Variants in SLIT2 observed in about 807,000 individuals in gnomAD.
SLIT2 encodes slit guidance ligand 2, also known as slit homolog 2 protein.
A neutral mutation model predicts 185.7 loss-of-function variants in SLIT2; 41 were observed. The observed-to-expected ratio is 0.22, with a 90% CI of 0.17 to 0.29. SLIT2 has a LOEUF of 0.29. Ranked by LOEUF, SLIT2 falls within the 10% of genes least tolerant of loss-of-function variation. The pLI is 1.00. For missense variants in SLIT2, 1,571 were observed against 1,909.0 expected (o/e 0.82, Z 3.30); for synonymous variants, 693 against 680.2 (o/e 1.02, Z -0.29).
chr4:20,539,769 A>C (rs1424163413), intron 19 of SLIT2, among the ~76,000 whole-genome samples, 185 bp downstream of exon 19: 1 of 152,190 alleles, frequency 6.6e-6, no homozygotes, highest in East Asian at 1.9e-4. Flanking sequence ...ATCTTAGATT[A>C]AATTTTAACA....
At chr4:20,368,143 T>G (rs923472186) in intron 4 of SLIT2, among the ~76,000 whole-genome samples, 2 of 150,596 alleles carry the variant, frequency 1.3e-5, no homozygotes, top group Non-Finnish European at 2.9e-5. Context: ...TGGAACCCTT[T>G]AGCTAAGCTG....
intron 4 of SLIT2, among the ~76,000 whole-genome samples, chr4:20,309,610 G>A (rs2109129901): frequency 6.6e-6 from 1 of 151,988 alleles, no homozygotes; most frequent in South Asian, 2.1e-4. Flanking sequence ...TCTCTAGCTA[G>A]ACATCTTGAT....
chr4:20,514,875 ACATT>A (rs973242904), intron 11 of SLIT2, among the ~76,000 whole-genome samples: 28 of 151,928 alleles, frequency 1.8e-4, no homozygotes, highest in African/African-American at 6.0e-4. Context: ...AAAACAAAAA[ACATT>A]CATGTCGTTT....
intron 4 of SLIT2, among the ~76,000 whole-genome samples, chr4:20,307,199 C>A (rs13147242): frequency 9.0e-6 from 1 of 110,636 alleles, no homozygotes; most frequent in Non-Finnish European, 1.9e-5. Flanking sequence ...TCCTTCTTTC[C>A]CTGACTCCCT....
chr4:20,385,409 GAGATT>G (rs1315434688), intron 4 of SLIT2, among the ~76,000 whole-genome samples: 1 of 152,126 alleles, frequency 6.6e-6, no homozygotes, highest in Non-Finnish European at 1.5e-5. Context: ...AATTCATTAG[GAGATT>G]AATGAATGGA....
At chr4:20,477,152 CCA>C (rs553053429) in intron 5 of SLIT2, among the ~76,000 whole-genome samples, 1,725 of 63,810 alleles carry the variant, frequency 0.027, 31 homozygotes, top group African/African-American at 0.11. Context: ...ATACCTCCTA[CCA>C]TAAAAAAAAA....
chr4:20,536,648 ATAAAT>A (rs1323772266), intron 18 of SLIT2, among the ~76,000 whole-genome samples: 3 of 151,462 alleles, frequency 2.0e-5, no homozygotes, highest in East Asian at 3.9e-4. Context: ...TTCTTCAGTA[ATAAAT>A]TAAGGTTAGC....
chr4:20,455,393 G>A lies in SLIT2; in HGVS notation c.396-12359G>A, dbSNP rs199954717. 2.5e-3 allele frequency among the ~76,000 whole-genome samples: 384 copies of A among 152,218 alleles called. 2 individuals carry two copies. Among genetic ancestry groups the A allele is most frequent in the African/African-American group, 8.9e-3 (369 of 41,542 alleles). On this transcript the variant is annotated intron_variant, in intron 4 of 36. Coordinates refer to ENST00000504154, the MANE Select transcript of SLIT2 (RefSeq NM_004787.4). ...CCAAAGTAGTAGGCATTCTTTGATA[G>A]CCATGCTCTAATAAATGGACTCTTA...
chr4:20,299,498 A>G (rs967121549), intron 4 of SLIT2, among the ~76,000 whole-genome samples: 3 of 152,182 alleles, frequency 2.0e-5, no homozygotes, highest in East Asian at 1.9e-4. Flanking sequence ...ATCTATTTCA[A>G]TAAATTGAAA....
Position 20,254,131 on chromosome 4 carries a change from G to A in SLIT2, c.179+137G>A. The A allele has an allele frequency of 1.1e-6, 1 of 882,708 alleles. No homozygotes were observed. 54.7% of individuals were successfully genotyped at this position (882,708 alleles called of 1,614,324 possible). On this transcript the variant is annotated intron_variant, in intron 1 of 36. Transcript: ENST00000504154. This position sits in a 1 kb window ranked among gnomAD's most constrained non-coding sequence, Gnocchi z 5.1. The stretch of plus-strand genomic sequence containing the variant: ...TCTCCCCCATGCACATCCTGGGGTT[G>A]AGCTCTCCGGGAGGGCACTGGCCAG...
chr4:20,468,707 A>C (rs548833017), intron 5 of SLIT2, among the ~76,000 whole-genome samples: 1 of 152,228 alleles, frequency 6.6e-6, no homozygotes, highest in African/African-American at 2.4e-5. Context: ...CTTTTACATT[A>C]GTTTGGAATG....
At chr4:20,495,065 C>T (rs996083806) in intron 9 of SLIT2, among the ~76,000 whole-genome samples, 2 of 152,056 alleles carry the variant, frequency 1.3e-5, no homozygotes, top group Non-Finnish European at 2.9e-5. Context: ...GAGAGAAGGT[C>T]TTGGAATTTG....
chr4:20,355,546 CTTAAGGAAAGCTTACATT>C (rs1376888253), intron 4 of SLIT2, among the ~76,000 whole-genome samples: 3 of 152,100 alleles, frequency 2.0e-5, no homozygotes, highest in Admixed American at 2.0e-4. Flanking sequence ...AAGACATTTT[CTTAAGGAAAGCTTACATT>C]TTAAATGCTA....
intron 4 of SLIT2, among the ~76,000 whole-genome samples, chr4:20,366,536 A>G (rs1723130601): frequency 6.6e-6 from 1 of 151,972 alleles, no homozygotes; most frequent in South Asian, 2.1e-4. Flanking sequence ...CCCAAACCAT[A>G]TGTGTTGTTG....
chr4:20,434,876 T>C (rs981242373), intron 4 of SLIT2, among the ~76,000 whole-genome samples: 2 of 152,196 alleles, frequency 1.3e-5, no homozygotes, highest in African/African-American at 4.8e-5. Context: ...GTCAAAGTTA[T>C]CTAAATTCCA....
intron 4 of SLIT2, among the ~76,000 whole-genome samples, chr4:20,455,286 C>A (rs555161498): frequency 6.6e-6 from 1 of 152,152 alleles, no homozygotes; most frequent in East Asian, 1.9e-4. Flanking sequence ...AAGGGAAGAA[C>A]AATATAATCT....
intron 3 of SLIT2, among the ~76,000 whole-genome samples, chr4:20,258,734 T>A (rs989832772): frequency 6.6e-6 from 1 of 151,774 alleles, no homozygotes; most frequent in African/African-American, 2.4e-5. Context: ...ATGTCTTACA[T>A]GCCTTGATTA....
At chr4:20,554,726 T>G (rs906144020) in intron 26 of SLIT2, among the ~76,000 whole-genome samples, 2 of 151,906 alleles carry the variant, frequency 1.3e-5, no homozygotes, top group African/African-American at 2.4e-5. Flanking sequence ...TTTACTATTA[T>G]TCTTAGATTG....
In SLIT2 at chr4:20,472,620, C is replaced by CGATATATCTATATATATCGATATATATA. The variant is rs1715650108; in HGVS notation, c.467+4798_467+4825dup. ...TATCTATAGATATATCTATATATAT[C>CGATATATCTATATATATCGATATATATA]GATATATCTATATATATCGATATAT... On this transcript the variant is annotated intron_variant, in intron 5 of 36. Coordinates refer to ENST00000504154, the MANE Select transcript of SLIT2 (RefSeq NM_004787.4). 4.3e-4 allele frequency among the ~76,000 whole-genome samples: 8 copies of CGATATATCTATATATATCGATATATATA among 18,654 alleles called. 2 individuals are homozygous for CGATATATCTATATATATCGATATATATA. The highest frequency in any genetic ancestry group is 1.4e-3 in the African/African-American group (3 of 2,140). The allele number at this position is 18,654 out of a possible 152,430, so 12.2% of individuals were successfully genotyped here. A position where few individuals can be genotyped will look rare whatever the true frequency, so the allele number is the denominator to read the frequency against.
Sources: allele counts gnomAD v4.1 joint callset (sites outside exome capture counted in the v4.1 genomes callset), GRCh38; gene constraint gnomAD v4.1.1; non-coding constraint Gnocchi (gnomAD v3.1); transcripts MANE v1.5; gene names NCBI Gene and HGNC (gene_info 2026-07-23, HGNC 2026-07-21).